FILIP1: variants seen among roughly 807,000 people sequenced by gnomAD.
The protein encoded by FILIP1 is filamin A interacting protein 1.
In FILIP1, 61 loss-of-function variants were observed where a neutral mutation model predicts 102.1. The observed-to-expected ratio is 0.60, with a 90% CI of 0.49 to 0.74. FILIP1 has a LOEUF of 0.74. Ranked by LOEUF, FILIP1 falls within the 30% of genes least tolerant of loss-of-function variation. The pLI is 0.00. For synonymous variants in FILIP1, 491 were observed against 526.9 expected (o/e 0.93, Z 0.93); for missense variants, 1,314 against 1,441.2 (o/e 0.91, Z 1.43).
chr6:75,372,716 A>G (rs1460829664), intron 2 of FILIP1, among the ~76,000 whole-genome samples: 10 of 49,416 alleles, frequency 2.0e-4, no homozygotes, highest in East Asian at 2.0e-3. Context: ...AAAGAAAGGA[A>G]AGAAAGAGAA....
intron 1 of FILIP1, among the ~76,000 whole-genome samples, chr6:75,417,265 A>G (rs939612024): frequency 6.6e-6 from 1 of 152,162 alleles, no homozygotes; most frequent in African/African-American, 2.4e-5. Flanking sequence ...TTTGGCATGA[A>G]CATAAAGATT....
chr6:75,484,036 AAGT>A (rs1189401448), intron 1 of FILIP1, among the ~76,000 whole-genome samples: 1 of 152,160 alleles, frequency 6.6e-6, no homozygotes, highest in Non-Finnish European at 1.5e-5. Flanking sequence ...TGATAGAAAA[AAGT>A]AATAGACTGG....
intron 2 of FILIP1, among the ~76,000 whole-genome samples, chr6:75,365,710 T>G (rs1775306335): frequency 6.6e-6 from 1 of 152,138 alleles, no homozygotes; most frequent in Non-Finnish European, 1.5e-5. Flanking sequence ...TAACCTTTTT[T>G]TTTTTGTTTA....
chr6:75,355,191 AG>A (rs1229045188), intron 3 of FILIP1, among the ~76,000 whole-genome samples: 1 of 151,956 alleles, frequency 6.6e-6, no homozygotes, highest in East Asian at 2.0e-4. Flanking sequence ...GCTACTTGGG[AG>A]GCCGAGGCAG....
At chr6:75,317,673 C>T (rs543374161) in intron 4 of FILIP1, among the ~76,000 whole-genome samples, 6 of 152,294 alleles carry the variant, frequency 3.9e-5, no homozygotes, top group South Asian at 2.1e-4. Flanking sequence ...ACATTTTTCA[C>T]GTTCTCCTAG....
intron 1 of FILIP1, among the ~76,000 whole-genome samples, chr6:75,491,526 G>C (rs1210642406): frequency 2.6e-5 from 4 of 152,150 alleles, no homozygotes; most frequent in African/African-American, 4.8e-5. Flanking sequence ...ACAAGGGGTA[G>C]GAGGGAGCAG....
At chr6:75,424,947 G>A (rs1777582383) in intron 1 of FILIP1, among the ~76,000 whole-genome samples, 1 of 152,080 alleles carries the variant, frequency 6.6e-6, no homozygotes. Flanking sequence ...AATCCCTAGA[G>A]CATTTCATAA....
intron 1 of FILIP1, among the ~76,000 whole-genome samples, chr6:75,488,600 C>T (rs1279676407): frequency 4.0e-5 from 6 of 151,788 alleles, no homozygotes; most frequent in African/African-American, 4.8e-5. Flanking sequence ...TTGTTTCTTT[C>T]TTTCCACACA....
At chr6:75,412,385 C>T (rs900278439) in intron 2 of FILIP1, among the ~76,000 whole-genome samples, 4 of 152,096 alleles carry the variant, frequency 2.6e-5, no homozygotes, top group Non-Finnish European at 5.9e-5. Context: ...GACTTCCTCT[C>T]TTCTTATTTG....
At chr6:75,366,772 T>G (rs1380258920) in intron 2 of FILIP1, among the ~76,000 whole-genome samples, 1 of 152,176 alleles carries the variant, frequency 6.6e-6, no homozygotes, top group African/African-American at 2.4e-5. Flanking sequence ...AAATATAACG[T>G]GTAAAACTGA....
At chr6:75,330,818 A>T (rs1033588726) in intron 4 of FILIP1, among the ~76,000 whole-genome samples, 18 of 152,178 alleles carry the variant, frequency 1.2e-4, no homozygotes, top group African/African-American at 4.1e-4. Context: ...CTGCTCTAGA[A>T]TAGGAATATT....
intron 1 of FILIP1, among the ~76,000 whole-genome samples, chr6:75,457,612 G>GTCTCTCTC (rs68150078): frequency 0.043 from 6,182 of 142,620 alleles, 286 homozygotes; most frequent in African/African-American, 0.11. Flanking sequence ...TTCAAACAAA[G>GTCTCTCTC]TCTCTCTCTC....
intron 2 of FILIP1, among the ~76,000 whole-genome samples, chr6:75,376,698 T>C (rs7774284): frequency 6.6e-6 from 1 of 152,286 alleles, no homozygotes; most frequent in East Asian, 1.9e-4. Context: ...AGTTAAAGAC[T>C]AAGACATTTT....
Position 75,353,715 on chromosome 6 carries a change from C to T in FILIP1, c.453G>A (p.Leu151=), listed in dbSNP as rs1774891886. The change falls in exon 4 of 6, where the codon CTG becomes CTA. Residue 151 remains leucine, a splice_region_variant and synonymous_variant. Coordinates refer to ENST00000237172, the MANE Select transcript of FILIP1 (RefSeq NM_015687.5). ...CTTTCTGTTTTTCCTCAAGTCTGTCCAGCTGAATAAGCAAACATGGGAAAG... is the reference window on the plus strand; with the variant it reads ...CTTTCTGTTTTTCCTCAAGTCTGTCTAGCTGAATAAGCAAACATGGGAAAG... The part of the protein sequence containing the change: ...EDVYEKPISE[L]DRLEEKQKET... 1.2e-6 allele frequency: 2 copies of T among 1,612,650 alleles called. No individual in the cohort carries two copies. The highest frequency in any genetic ancestry group is 1.3e-5 in the African/African-American group (1 of 74,874).
chr6:75,464,638 T>G (rs529690925), intron 1 of FILIP1, among the ~76,000 whole-genome samples: 1 of 152,372 alleles, frequency 6.6e-6, no homozygotes, highest in Admixed American at 6.5e-5. Context: ...AGAATATATT[T>G]GCTTACCTGT....
chr6:75,399,131 T>A (rs1263448190), intron 2 of FILIP1: 1 of 152,218 alleles, frequency 6.6e-6, no homozygotes, highest in Admixed American at 6.5e-5. Flanking sequence ...GTGTCACCAT[T>A]GACTTTATTA....
intron 1 of FILIP1, among the ~76,000 whole-genome samples, chr6:75,435,222 A>G (rs971997956): frequency 1.3e-5 from 2 of 151,168 alleles, no homozygotes; most frequent in African/African-American, 4.9e-5. Flanking sequence ...TGAATTTTTA[A>G]TGTAGCCTTT....
intron 4 of FILIP1, among the ~76,000 whole-genome samples, chr6:75,340,861 A>ATTTTTT (rs59666589): frequency 2.1e-5 from 2 of 94,308 alleles, no homozygotes; most frequent in Non-Finnish European, 2.0e-5. Flanking sequence ...ATGCTCAGGA[A>ATTTTTT]TTTTTTTTTT....
chr6:75,347,178 T>C (rs1774615182), intron 4 of FILIP1, among the ~76,000 whole-genome samples: 1 of 152,236 alleles, frequency 6.6e-6, no homozygotes, highest in South Asian at 2.1e-4. Context: ...TTTTTCTTAC[T>C]GAAAAAAACT....
Sources: gnomAD v4.1 joint callset for allele counts (sites outside exome capture counted in the v4.1 genomes callset) on GRCh38, gnomAD v4.1.1 for gene constraint, MANE v1.5 for transcripts, NCBI Gene and HGNC (gene_info 2026-07-23, HGNC 2026-07-21) for gene names.